The following FHIT variants were observed in gnomAD, a reference collection of about 807,000 sequenced individuals.
FHIT encodes the protein fragile histidine triad diadenosine triphosphatase.
FHIT carries 19 observed loss-of-function variants against 17.9 expected under a neutral mutation model. The ratio of observed to expected loss-of-function variants is 1.06; its 90% confidence interval spans 0.74 to 1.56. The LOEUF is 1.56. Among genes scored for constraint, FHIT ranks in the 40% most tolerant of loss-of-function variants. The probability of loss-of-function intolerance (pLI) is 0.00; values close to 1 mark genes in which losing one functional copy is unlikely to be tolerated. For missense variants in FHIT, 248 were observed against 189.2 expected, an observed-to-expected ratio of 1.31 and a Z score of -1.82; for synonymous variants, 81 against 69.7, an observed-to-expected ratio of 1.16 and a Z score of -0.81.
In FHIT at chr3:60,763,892, C is replaced by T. The variant is rs77930761; in HGVS notation, c.-18+58027G>A. On this transcript the variant is annotated intron_variant, in intron 4 of 9. Coordinates refer to ENST00000492590, the MANE Select transcript of FHIT (RefSeq NM_002012.4). ...ATAAAGATATCCCTTCTGTCAGGCA[C>T]CCTGAAGTTTTTCTGTAAAAAGTTG... Among the ~76,000 whole-genome samples, 3 of 152,264 alleles carry T rather than the reference C, an allele frequency of 2.0e-5. No individual in the cohort carries two copies. The East Asian group carries it at 5.8e-4, about 29-fold the overall frequency.
At chr3:61,095,199 A>T (rs2035601515) in intron 2 of FHIT, among the ~76,000 whole-genome samples, 1 of 152,226 alleles carries the variant, frequency 6.6e-6, no homozygotes, top group South Asian at 2.1e-4. Context: ...ACTAATTCTG[A>T]GACATGCCTT....
At chr3:60,878,607 A>G (rs782247778) in intron 3 of FHIT, among the ~76,000 whole-genome samples, 6 of 152,064 alleles carry the variant, frequency 3.9e-5, no homozygotes, top group Non-Finnish European at 8.8e-5. Flanking sequence ...CGTCATTTAC[A>G]TTAGGTATAT....
chr3:60,173,915 A>ATATATATATATTTTTTTTTTTTTTTTTT, intron 5 of FHIT, among the ~76,000 whole-genome samples: 1 of 66,444 alleles, frequency 1.5e-5, no homozygotes, highest in South Asian at 4.6e-4. Context: ...ATATATATAT[A>ATATATATATATTTTTTTTTTTTTTTTTT]TGTTTTTTTT....
intron 5 of FHIT, among the ~76,000 whole-genome samples, chr3:60,311,118 A>C (rs1708922131): frequency 6.6e-6 from 1 of 152,084 alleles, no homozygotes; most frequent in Admixed American, 6.5e-5. Flanking sequence ...TCCCCTCTTT[A>C]ATATAAAATC....
At chr3:59,932,291 T>G (rs563856329) in intron 7 of FHIT, among the ~76,000 whole-genome samples, 5 of 152,296 alleles carry the variant, frequency 3.3e-5, no homozygotes, top group African/African-American at 1.2e-4. Flanking sequence ...TTTTTTGGTT[T>G]GTTTTAAAGA....
chr3:60,099,911 C>T (rs1194263280), intron 5 of FHIT, among the ~76,000 whole-genome samples: 2 of 152,158 alleles, frequency 1.3e-5, no homozygotes, highest in Non-Finnish European at 2.9e-5. Context: ...AAGTATTTTT[C>T]GTGAATGAAC....
intron 4 of FHIT, among the ~76,000 whole-genome samples, chr3:60,695,189 G>A (rs150799726): frequency 9.7e-4 from 147 of 152,278 alleles, no homozygotes; most frequent in African/African-American, 2.1e-3. Context: ...AAGGTCAGGC[G>A]TTGGAGACCA....
At chr3:60,437,691 G>T (rs1365284735) in intron 5 of FHIT, among the ~76,000 whole-genome samples, 1 of 152,020 alleles carries the variant, frequency 6.6e-6, no homozygotes, top group Non-Finnish European at 1.5e-5. Flanking sequence ...ATAATCAGAT[G>T]TCATATGAGG....
intron 3 of FHIT, among the ~76,000 whole-genome samples, chr3:60,925,929 T>A (rs1553769740): frequency 6.6e-6 from 1 of 152,134 alleles, no homozygotes; most frequent in Non-Finnish European, 1.5e-5. Context: ...AAACAGACTT[T>A]AAACCAACAA....
chr3:60,509,756 T>G (rs1455688533), intron 5 of FHIT, among the ~76,000 whole-genome samples: 1 of 152,262 alleles, frequency 6.6e-6, no homozygotes, highest in African/African-American at 2.4e-5. Context: ...TCATCCTCTG[T>G]TGACAATGAT....
At chr3:61,155,324 GA>G (rs1446703355) in intron 2 of FHIT, among the ~76,000 whole-genome samples, 1 of 152,162 alleles carries the variant, frequency 6.6e-6, no homozygotes, top group African/African-American at 2.4e-5. Flanking sequence ...TAAAAAAACA[GA>G]TGCTAAATAA....
intron 4 of FHIT, among the ~76,000 whole-genome samples, chr3:60,596,381 G>A (rs112825093): frequency 3.3e-5 from 5 of 152,222 alleles, no homozygotes; most frequent in African/African-American, 1.2e-4. Context: ...CACTGCACTA[G>A]CCTTTGGGAT....
chr3:60,094,920 A>T (rs1273382628), intron 5 of FHIT, among the ~76,000 whole-genome samples: 5 of 152,210 alleles, frequency 3.3e-5, no homozygotes, highest in African/African-American at 1.2e-4. Flanking sequence ...ATGAGCATAA[A>T]AGGACAACTC....
At position 60,342,615 on chromosome 3, in the gene FHIT, C is replaced by T. The variant is rs550586259; in HGVS notation, c.103+194245G>A. ...GTAAAACTATGAGTTGGCCCATTCC[C>T]TCAAGTAAAGCATGAAGACTTAAAA... is the stretch of plus-strand genomic sequence containing the variant. On this transcript the variant is annotated intron_variant, in intron 5 of 9. Transcript: ENST00000492590. Among the ~76,000 whole-genome samples, 9 of 152,196 alleles carry T rather than the reference C, an allele frequency of 5.9e-5. 2 individuals carry two copies. In the South Asian group the frequency reaches 1.5e-3, roughly 25 times the overall value.
At chr3:60,503,351 C>T (rs6807405) in intron 5 of FHIT, among the ~76,000 whole-genome samples, 67,234 of 151,378 alleles carry the variant, frequency 0.44, 15,090 homozygotes, top group African/African-American at 0.5. Context: ...ATTGTATGTC[C>T]ACTCATTGAG....
At chr3:59,852,968 G>T (rs112425736) in intron 8 of FHIT, among the ~76,000 whole-genome samples, 1 of 152,098 alleles carries the variant, frequency 6.6e-6, no homozygotes, top group Non-Finnish European at 1.5e-5. Flanking sequence ...GGCAATTAAG[G>T]ATAAGACTGC....
intron 3 of FHIT, among the ~76,000 whole-genome samples, chr3:60,957,657 T>G (rs1171317921): frequency 6.6e-6 from 1 of 152,238 alleles, no homozygotes; most frequent in East Asian, 1.9e-4. Flanking sequence ...TGTCAATTTC[T>G]TCACCATACA....
At chr3:60,593,760 C>A (rs1450017030) in intron 4 of FHIT, among the ~76,000 whole-genome samples, 1 of 152,048 alleles carries the variant, frequency 6.6e-6, no homozygotes, top group Non-Finnish European at 1.5e-5. Flanking sequence ...TGCCCTTTCT[C>A]CAAGCTGACA....
intron 4 of FHIT, among the ~76,000 whole-genome samples, chr3:60,543,239 C>A (rs947246044): frequency 1.3e-5 from 2 of 152,158 alleles, no homozygotes; most frequent in Non-Finnish European, 2.9e-5. Context: ...AATAAACAGG[C>A]AGCAGCCCAG....
Sources: allele counts gnomAD v4.1 joint callset (sites outside exome capture counted in the v4.1 genomes callset), GRCh38; gene constraint gnomAD v4.1.1; transcripts MANE v1.5; gene names NCBI Gene and HGNC (gene_info 2026-07-23, HGNC 2026-07-21).